The following LIPA variants were observed in gnomAD, a reference collection of about 807,000 sequenced individuals.
The protein encoded by LIPA is lysosomal acid lipase/cholesteryl ester hydrolase.
LIPA carries 26 observed loss-of-function variants against 40.6 expected under a neutral mutation model. That is an observed-to-expected ratio of 0.64 (90% CI 0.47 to 0.89). The LOEUF is 0.89. Among genes scored for constraint, LIPA ranks in the 40% least tolerant of loss-of-function variants. The probability of loss-of-function intolerance (pLI) is 0.00; values close to 1 mark genes in which losing one functional copy is unlikely to be tolerated. For missense variants in LIPA, 455 were observed against 479.6 expected, an observed-to-expected ratio of 0.95 and a Z score of 0.48; for synonymous variants, 188 against 168.4, an observed-to-expected ratio of 1.12 and a Z score of -0.90.
At chr10:89,244,426 T>G (rs1297990357) in intron 3 of LIPA, among the ~76,000 whole-genome samples, 1 of 152,144 alleles carries the variant, frequency 6.6e-6, no homozygotes, top group Non-Finnish European at 1.5e-5. Context: ...CTAACTACCT[T>G]AATCTAAACC....
intron 1 of LIPA, among the ~76,000 whole-genome samples, chr10:89,300,691 T>C (rs1440410051): frequency 1.1e-4 from 17 of 152,272 alleles, no homozygotes; most frequent in African/African-American, 2.4e-5. Flanking sequence ...AAAGCCAACA[T>C]TGAAATTTCC....
At chr10:89,318,347 C>G (rs962030507) in intron 1 of LIPA, among the ~76,000 whole-genome samples, 1 of 151,748 alleles carries the variant, frequency 6.6e-6, no homozygotes, top group Non-Finnish European at 1.5e-5. Context: ...CACACATAGG[C>G]TAAAAATAAA....
intron 2 of LIPA, chr10:89,383,744 A>G (rs1169526704): frequency 6.2e-7 from 1 of 1,614,180 alleles, no homozygotes; most frequent in East Asian, 2.2e-5. Flanking sequence ...GTGGACTGTG[A>G]GGAAGGATGG....
intron 2 of LIPA, among the ~76,000 whole-genome samples, chr10:89,361,253 T>C (rs12773053): frequency 2.0e-5 from 3 of 152,198 alleles, no homozygotes; most frequent in Non-Finnish European, 2.9e-5. Flanking sequence ...AATTCTCTTT[T>C]GGCATGTTGA....
chr10:89,406,654 C>G (rs990324033), intron 2 of LIPA, among the ~76,000 whole-genome samples: 1 of 152,152 alleles, frequency 6.6e-6, no homozygotes, highest in African/African-American at 2.4e-5. Context: ...CAGCTTCACT[C>G]CTGAAGTCAG....
chr10:89,275,565 G>A (rs191565569), intron 1 of LIPA, among the ~76,000 whole-genome samples: 19 of 152,222 alleles, frequency 1.2e-4, no homozygotes, highest in African/African-American at 3.6e-4. Context: ...TTACAGAACC[G>A]GCTTGGCCAG....
chr10:89,295,412 G>T (rs1843407814), intron 1 of LIPA, among the ~76,000 whole-genome samples: 1 of 152,164 alleles, frequency 6.6e-6, no homozygotes, highest in Non-Finnish European at 1.5e-5. Context: ...TCATTTTATA[G>T]AAGTAAAAGT....
At position 89,384,869 on chromosome 10, in the gene LIPA, C is replaced by T. The variant is rs1844194158; in HGVS notation, c.61+27922G>A. On this transcript the variant is annotated intron_variant, in intron 2 of 8. Coordinates refer to the LIPA transcript ENST00000371837. The stretch of plus-strand genomic sequence containing the variant: ...CCTTGAGAGGAATGTGGCTGTGTGG[C>T]CTGAGTTATGTAGCATGCAACTGCA... 3.8e-6 allele frequency: 3 copies of T among 793,822 alleles called. No individual in the cohort carries two copies. The South Asian group carries it at 5.6e-5, about 15-fold the overall frequency. 49.2% of individuals were successfully genotyped at this position (793,822 alleles called of 1,614,324 possible).
At chr10:89,381,796 A>AT (rs1436489046) in intron 2 of LIPA, among the ~76,000 whole-genome samples, 1 of 150,344 alleles carries the variant, frequency 6.7e-6, no homozygotes, top group African/African-American at 2.4e-5. Context: ...TTTATTATTA[A>AT]TTTTTTTGAG....
chr10:89,304,600 G>GA lies in LIPA; in HGVS notation c.-2+38010dup, dbSNP rs927853494. Among the ~76,000 whole-genome samples, 224 of 150,820 alleles carry GA rather than the reference G, an allele frequency of 1.5e-3. 1 individual carries two copies. Among genetic ancestry groups the GA allele is most frequent in the African/African-American group, 5.2e-3 (212 of 41,156 alleles). On this transcript the variant is annotated intron_variant, in intron 1 of 5. Transcript: ENST00000282673. The stretch of plus-strand genomic sequence containing the variant: ...ACAAGGGTTGCTGTATAGATACCAC[G>GA]AAAAAAAAATTTAAATAAGAAAAGG...
intron 1 of LIPA, among the ~76,000 whole-genome samples, chr10:89,301,537 C>T (rs149628565): frequency 6.6e-5 from 10 of 152,280 alleles, no homozygotes; most frequent in South Asian, 4.1e-4. Flanking sequence ...TAACTCACTA[C>T]GCAGCTGGGC....
chr10:89,263,656 C>T (rs1483428466), intron 1 of LIPA, among the ~76,000 whole-genome samples: 1 of 152,256 alleles, frequency 6.6e-6, no homozygotes, highest in Non-Finnish European at 1.5e-5. Context: ...TAGGGTGTCA[C>T]TTTTCCAGCC....
rs1232993083 is a variant in LIPA at position 89,226,983 on chromosome 10, A to G, written c.450T>C (p.Tyr150=). ...WAFSYDEMAK[Y]DLPASINFIL... ...TGAAGTTAATGGAAGCTGGTAGGTC[A>G]TATTTTGCCATCTCATCATAACTGT... The change falls in exon 5 of 10, where the codon TAT becomes TAC. Residue 150 remains tyrosine, a synonymous_variant. Coordinates refer to ENST00000336233, the MANE Select transcript of LIPA (RefSeq NM_000235.4). 1 of 1,611,326 alleles carries G rather than the reference A, an allele frequency of 6.2e-7. No homozygotes were observed. Among genetic ancestry groups the G allele is most frequent in the African/African-American group, 1.3e-5 (1 of 74,874 alleles).
chr10:89,270,558 T>C (rs1843260541), intron 1 of LIPA, among the ~76,000 whole-genome samples: 1 of 152,238 alleles, frequency 6.6e-6, no homozygotes, highest in Non-Finnish European at 1.5e-5. Flanking sequence ...TGTATCTGTT[T>C]TCTTCTACCA....
intron 2 of LIPA, among the ~76,000 whole-genome samples, chr10:89,388,438 T>C (rs1167501651): frequency 6.6e-6 from 1 of 152,170 alleles, no homozygotes; most frequent in African/African-American, 2.4e-5. Context: ...TTAGCACCAT[T>C]CTGGAGGTGT....
At chr10:89,390,524 T>C (rs1844238381) in intron 2 of LIPA, among the ~76,000 whole-genome samples, 1 of 152,210 alleles carries the variant, frequency 6.6e-6, no homozygotes, top group Admixed American at 6.5e-5. Context: ...CTTAGACTCC[T>C]GGGAATGAAC....
intron 1 of LIPA, among the ~76,000 whole-genome samples, chr10:89,261,239 C>T (rs1843205720): frequency 6.6e-6 from 1 of 152,208 alleles, no homozygotes; most frequent in Non-Finnish European, 1.5e-5. Flanking sequence ...GCCAAAATAG[C>T]TGGACCCTCT....
At chr10:89,267,879 T>C (rs1468071452) in intron 1 of LIPA, among the ~76,000 whole-genome samples, 1 of 152,064 alleles carries the variant, frequency 6.6e-6, no homozygotes, top group South Asian at 2.1e-4. Flanking sequence ...AAGTATAGTC[T>C]CTGCTGTAAA....
chr10:89,271,743 T>A (rs1843266863), intron 1 of LIPA, among the ~76,000 whole-genome samples: 2 of 152,066 alleles, frequency 1.3e-5, no homozygotes, highest in African/African-American at 4.8e-5. Context: ...CAAGGGCAAG[T>A]GTAATATGGA....
Sources: gnomAD v4.1 joint callset for allele counts (sites outside exome capture counted in the v4.1 genomes callset) on GRCh38, gnomAD v4.1.1 for gene constraint, MANE v1.5 for transcripts, NCBI Gene and HGNC (gene_info 2026-07-23, HGNC 2026-07-21) for gene names.